TENM2: variants seen among roughly 807,000 people sequenced by gnomAD.
TENM2 encodes teneurin transmembrane protein 2.
TENM2 carries 52 observed loss-of-function variants against 245.2 expected under a neutral mutation model. The observed-to-expected ratio is 0.21, with a 90% CI of 0.17 to 0.27. TENM2 has a LOEUF of 0.27. Among genes scored for constraint, TENM2 ranks in the 10% least tolerant of loss-of-function variants. The pLI is 1.00. For missense variants in TENM2, 3,046 were observed against 3,666.8 expected (o/e 0.83, Z 4.37); for synonymous variants, 1,363 against 1,438.9 (o/e 0.95, Z 1.19).
chr5:167,616,764 T>G (rs1777814001), intron 2 of TENM2, among the ~76,000 whole-genome samples: 1 of 152,126 alleles, frequency 6.6e-6, no homozygotes, highest in Admixed American at 6.5e-5. Context: ...TCTTCTTCTT[T>G]TGATTTACTC....
At chr5:167,862,238 A>AGTGTGTGT (rs1306762330) in intron 2 of TENM2, among the ~76,000 whole-genome samples, 1 of 134,900 alleles carries the variant, frequency 7.4e-6, no homozygotes, top group African/African-American at 3.2e-5. Flanking sequence ...GTCAATTTAG[A>AGTGTGTGT]GTATGTGTGT....
intron 2 of TENM2, among the ~76,000 whole-genome samples, chr5:167,574,432 G>A (rs1774501157): frequency 6.6e-6 from 1 of 152,154 alleles, no homozygotes; most frequent in African/African-American, 2.4e-5. Context: ...CTGAACTTCT[G>A]ATGTGTTATA....
chr5:168,166,207 G>A (rs985234032), intron 13 of TENM2, among the ~76,000 whole-genome samples: 19 of 152,026 alleles, frequency 1.2e-4, no homozygotes, highest in African/African-American at 3.9e-4. Flanking sequence ...AGAGGCACCC[G>A]GGCAGAACAT....
intron 2 of TENM2, among the ~76,000 whole-genome samples, chr5:167,808,483 C>T (rs1766394772): frequency 6.6e-6 from 1 of 152,188 alleles, no homozygotes; most frequent in East Asian, 1.9e-4. Flanking sequence ...TGGTCTCAAA[C>T]TCCTGACCTC....
chr5:167,716,535 A>G (rs773692441), intron 2 of TENM2, among the ~76,000 whole-genome samples: 2 of 152,222 alleles, frequency 1.3e-5, no homozygotes, highest in African/African-American at 2.4e-5. Flanking sequence ...AGGGAGGCCA[A>G]TGGAATGCAA....
At chr5:168,138,843 C>G (rs1755288599) in intron 12 of TENM2, among the ~76,000 whole-genome samples, 1 of 152,170 alleles carries the variant, frequency 6.6e-6, no homozygotes. Flanking sequence ...CTAACATGTG[C>G]CAGCACAGTA....
chr5:167,528,091 CT>C (rs1554169932), intron 2 of TENM2, among the ~76,000 whole-genome samples: 1 of 152,058 alleles, frequency 6.6e-6, no homozygotes, highest in Non-Finnish European at 1.5e-5. Flanking sequence ...TTCATATTGC[CT>C]TTTTTTAAGA....
At chr5:167,687,445 C>G (rs1757148104) in intron 2 of TENM2, among the ~76,000 whole-genome samples, 1 of 152,110 alleles carries the variant, frequency 6.6e-6, no homozygotes, top group African/African-American at 2.4e-5. Flanking sequence ...GGAGAGGGAA[C>G]ACATACATGT....
At chr5:167,842,783 A>G (rs1769667216) in intron 2 of TENM2, among the ~76,000 whole-genome samples, 2 of 152,068 alleles carry the variant, frequency 1.3e-5, no homozygotes, top group Non-Finnish European at 1.5e-5. Context: ...TCAAGCTACT[A>G]TAGAAGTGTC....
the TENM2 span, among the ~76,000 whole-genome samples, chr5:167,065,251 CTTTTA>C: frequency 2.0e-5 from 3 of 151,950 alleles, no homozygotes; most frequent in Non-Finnish European, 4.4e-5. Flanking sequence ...AGCACATAAC[CTTTTA>C]TTTTAATAAT....
intron 2 of TENM2, among the ~76,000 whole-genome samples, chr5:167,482,226 AT>A (rs971546351): frequency 1.3e-5 from 2 of 152,090 alleles, no homozygotes; most frequent in African/African-American, 4.8e-5. Flanking sequence ...TCTCTAGACT[AT>A]TTTTTTAAAT....
chr5:167,006,946 C>T, the TENM2 span, among the ~76,000 whole-genome samples: 9 of 152,326 alleles, frequency 5.9e-5, no homozygotes, highest in Non-Finnish European at 7.3e-5. Flanking sequence ...GGGTGTATTA[C>T]AGGCGTGAGC....
intron 2 of TENM2, among the ~76,000 whole-genome samples, chr5:167,746,692 A>AGG (rs1247018242): frequency 1.4e-5 from 2 of 140,120 alleles, no homozygotes; most frequent in Non-Finnish European, 3.0e-5. Flanking sequence ...AGAGAGAGAG[A>AGG]GAGAGAGAGA....
At chr5:167,185,562 A>G in the TENM2 span, among the ~76,000 whole-genome samples, 2 of 152,114 alleles carry the variant, frequency 1.3e-5, no homozygotes, top group African/African-American at 4.8e-5. Context: ...TCTCAAAAGC[A>G]TCTATAACCC....
the TENM2 span, among the ~76,000 whole-genome samples, chr5:167,040,149 A>G: frequency 0.63 from 95,485 of 151,862 alleles, 32,083 homozygotes; most frequent in African/African-American, 0.88. Flanking sequence ...TTGTACTTCT[A>G]TCTAGCTAAT....
intron 9 of TENM2, among the ~76,000 whole-genome samples, chr5:168,099,362 G>A (rs1001515823): frequency 6.6e-6 from 1 of 152,094 alleles, no homozygotes; most frequent in East Asian, 1.9e-4. Flanking sequence ...CTGCCATTGG[G>A]TATCTGACAT....
At chr5:167,929,223 G>T (rs1205135834) in intron 3 of TENM2, among the ~76,000 whole-genome samples, 3 of 145,208 alleles carry the variant, frequency 2.1e-5, no homozygotes, top group Non-Finnish European at 4.5e-5. Flanking sequence ...GGAAGGGAGG[G>T]ATGGAGGGAG....
intron 25 of TENM2, chr5:168,241,245 T>C (rs1007015662): frequency 3.5e-5 from 5 of 141,184 alleles, no homozygotes; most frequent in African/African-American, 1.0e-4. Flanking sequence ...GCATTCTCTT[T>C]TCTTTTTCTT....
chr5:167,525,025 A>C (rs1048329188), intron 2 of TENM2, among the ~76,000 whole-genome samples: 1 of 152,066 alleles, frequency 6.6e-6, no homozygotes, highest in Admixed American at 6.6e-5. Context: ...GCTGTTAACA[A>C]GAATCATCCC....
Sources: gnomAD v4.1 joint callset for allele counts (sites outside exome capture counted in the v4.1 genomes callset) on GRCh38, gnomAD v4.1.1 for gene constraint, MANE v1.5 for transcripts, NCBI Gene and HGNC (gene_info 2026-07-23, HGNC 2026-07-21) for gene names.